The following YWHAE variants were observed in gnomAD, a reference collection of about 807,000 sequenced individuals.
YWHAE encodes tyrosine 3-monooxygenase/tryptophan 5-monooxygenase activation protein epsilon.
YWHAE carries 4 observed loss-of-function variants against 30.1 expected under a neutral mutation model. That is an observed-to-expected ratio of 0.13 (90% CI 0.07 to 0.30). The LOEUF is 0.30. YWHAE is among the 10% of genes least tolerant of loss of function. The pLI is 1.00. For synonymous variants in YWHAE, 118 were observed against 111.8 expected (o/e 1.06, Z -0.35); for missense variants, 121 against 315.9 (o/e 0.38, Z 4.68).
At chr17:1,354,151 G>C in intron 5 of YWHAE, 60 bp downstream of exon 5, 11 of 1,585,716 alleles carry the variant, frequency 6.9e-6, no homozygotes, top group Non-Finnish European at 9.4e-6. Flanking sequence ...AATGTCTAAA[G>C]AGAGTACAAA....
chr17:1,355,148 A>AATT (rs1555639303), intron 4 of YWHAE, among the ~76,000 whole-genome samples: 2 of 76,796 alleles, frequency 2.6e-5, no homozygotes, highest in Non-Finnish European at 5.3e-5. Context: ...AAAAAAAAAA[A>AATT]TTTTTTTTTT....
At chr17:1,370,992 C>G (rs2073034360) in intron 1 of YWHAE, among the ~76,000 whole-genome samples, 2 of 152,082 alleles carry the variant, frequency 1.3e-5, no homozygotes, top group Non-Finnish European at 2.9e-5. Flanking sequence ...CAGCGAGACT[C>G]CTTCTCAAAA....
At chr17:1,384,452 G>A (rs935032675) in intron 1 of YWHAE, among the ~76,000 whole-genome samples, 4 of 151,732 alleles carry the variant, frequency 2.6e-5, no homozygotes, top group Non-Finnish European at 4.4e-5. Flanking sequence ...AGCACTTTGG[G>A]AGGCCAAGGC....
chr17:1,363,955 C>G (rs989112457), intron 2 of YWHAE, among the ~76,000 whole-genome samples: 2 of 152,122 alleles, frequency 1.3e-5, no homozygotes, highest in African/African-American at 4.8e-5. Context: ...CAGTCCCCAC[C>G]CCACTAGATG....
chr17:1,371,258 A>AT (rs966306010), intron 1 of YWHAE, among the ~76,000 whole-genome samples: 13 of 151,854 alleles, frequency 8.6e-5, no homozygotes, highest in Admixed American at 4.6e-4. Context: ...AATTTTTATT[A>AT]TTTTTTTGTA....
At chr17:1,399,876 C>T in intron 1 of YWHAE, 171 bp downstream of exon 1, 1 of 769,586 alleles carries the variant, frequency 1.3e-6, no homozygotes, top group Non-Finnish European at 2.2e-6. Flanking sequence ...CATTCCAGGG[C>T]ATAGAGCCTC....
intron 1 of YWHAE, 161 bp downstream of exon 1, chr17:1,399,886 C>T: frequency 2.4e-6 from 2 of 818,704 alleles, no homozygotes; most frequent in Non-Finnish European, 4.1e-6. Flanking sequence ...CATAGAGCCT[C>T]CCATCGCCCC....
intron 1 of YWHAE, among the ~76,000 whole-genome samples, chr17:1,392,368 C>T (rs531474085): frequency 1.3e-5 from 2 of 152,190 alleles, no homozygotes; most frequent in South Asian, 2.1e-4. Flanking sequence ...AAAGCAAGAC[C>T]TTGTCTCAAA....
chr17:1,349,816 G>A (rs569068574), intron 5 of YWHAE, among the ~76,000 whole-genome samples: 2 of 151,870 alleles, frequency 1.3e-5, no homozygotes, highest in Non-Finnish European at 2.9e-5. Flanking sequence ...GGGTTTCACT[G>A]TGTTAGCCAG....
intron 1 of YWHAE, among the ~76,000 whole-genome samples, chr17:1,370,384 G>A (rs946208780): frequency 4.6e-5 from 7 of 151,938 alleles, no homozygotes; most frequent in African/African-American, 1.7e-4. Flanking sequence ...GCCCGCCTTG[G>A]CCTCCCAAAG....
intron 1 of YWHAE, among the ~76,000 whole-genome samples, chr17:1,382,842 T>C (rs1188291288): frequency 2.6e-5 from 4 of 151,986 alleles, no homozygotes; most frequent in Non-Finnish European, 5.9e-5. Context: ...CTGGCCAACC[T>C]GGCGAAACCC....
At chr17:1,372,277 TCTG>T (rs1241399462) in intron 1 of YWHAE, among the ~76,000 whole-genome samples, 2 of 152,256 alleles carry the variant, frequency 1.3e-5, no homozygotes, top group African/African-American at 2.4e-5. Context: ...AGAGGGTTGG[TCTG>T]AATTAGGCTT....
chr17:1,368,554 A>G (rs1456104597), intron 1 of YWHAE, among the ~76,000 whole-genome samples: 2 of 91,630 alleles, frequency 2.2e-5, no homozygotes, highest in Non-Finnish European at 4.4e-5. Flanking sequence ...ACAGAGTGAG[A>G]CTCTGTCTCA....
At chr17:1,383,651 G>C (rs1388395097) in intron 1 of YWHAE, among the ~76,000 whole-genome samples, 2 of 151,718 alleles carry the variant, frequency 1.3e-5, no homozygotes, top group Admixed American at 1.3e-4. Flanking sequence ...GCCTCCCAAA[G>C]TACTAGGATT....
chr17:1,383,117 G>T (rs949734475), intron 1 of YWHAE, among the ~76,000 whole-genome samples: 1 of 151,628 alleles, frequency 6.6e-6, no homozygotes, highest in Admixed American at 6.6e-5. Context: ...TTGGGAGGCC[G>T]AGGCACATGG....
At chr17:1,357,200 G>A (rs943519873) in intron 4 of YWHAE, among the ~76,000 whole-genome samples, 4 of 151,648 alleles carry the variant, frequency 2.6e-5, no homozygotes, top group Admixed American at 6.6e-5. Context: ...TCAGGAGATC[G>A]AGACCATCCT....
intron 1 of YWHAE, among the ~76,000 whole-genome samples, chr17:1,392,218 C>A (rs75846683): frequency 0.071 from 10,731 of 152,076 alleles, 438 homozygotes; most frequent in African/African-American, 0.089. Context: ...AAAAAAAGTT[C>A]TTTTAAATTA....
At chr17:1,373,390 C>T (rs570161057) in intron 1 of YWHAE, among the ~76,000 whole-genome samples, 86 of 151,530 alleles carry the variant, frequency 5.7e-4, no homozygotes, top group Non-Finnish European at 1.1e-3. Context: ...TGAGGCCGGG[C>T]GAGGTGGACT....
intron 1 of YWHAE, 89 bp from the exon 2 acceptor site, chr17:1,365,147 T>A: frequency 7.4e-7 from 1 of 1,354,076 alleles, no homozygotes; most frequent in Non-Finnish European, 1.0e-6. Flanking sequence ...GTCAAGCTAC[T>A]GCGAAAAAAA....
Sources: gnomAD v4.1 joint callset for allele counts (sites outside exome capture counted in the v4.1 genomes callset) on GRCh38, gnomAD v4.1.1 for gene constraint, MANE v1.5 for transcripts, NCBI Gene and HGNC (gene_info 2026-07-23, HGNC 2026-07-21) for gene names.